Variants in CCDC88C observed in about 807,000 individuals in gnomAD.
The protein encoded by CCDC88C is coiled-coil and HOOK domain protein 88C.
In CCDC88C, 131 loss-of-function variants were observed where a neutral mutation model predicts 198.8. The observed-to-expected ratio is 0.66, with a 90% CI of 0.57 to 0.76. CCDC88C has a LOEUF of 0.76. CCDC88C is among the 30% of genes least tolerant of loss of function. The pLI is 0.00. For missense variants in CCDC88C, 2,553 were observed against 2,631.6 expected (o/e 0.97, Z 0.65); for synonymous variants, 1,166 against 1,114.7 (o/e 1.05, Z -0.92).
At chr14:91,345,506 C>A (rs965644324) in intron 4 of CCDC88C, among the ~76,000 whole-genome samples, 3 of 152,060 alleles carry the variant, frequency 2.0e-5, no homozygotes, top group Admixed American at 6.6e-5. Context: ...ATATTTCAAT[C>A]TAAACAATGT....
chr14:91,289,424 G>T (rs1022572221), intron 24 of CCDC88C, 81 bp from the exon 25 acceptor site: 15 of 1,234,590 alleles, frequency 1.2e-5, no homozygotes, highest in Non-Finnish European at 1.7e-5. Context: ...ACATGGGCTG[G>T]GATGTTCTTC....
intron 26 of CCDC88C, among the ~76,000 whole-genome samples, chr14:91,282,542 CTT>C (rs1200939271): frequency 2.0e-5 from 3 of 152,126 alleles, no homozygotes; most frequent in South Asian, 2.1e-4. Flanking sequence ...AATCATTTCT[CTT>C]GTCTCTGATT....
At chr14:91,360,911 G>A (rs955438273) in intron 3 of CCDC88C, among the ~76,000 whole-genome samples, 6 of 152,146 alleles carry the variant, frequency 3.9e-5, no homozygotes, top group Non-Finnish European at 5.9e-5. Context: ...AGCACTTTGA[G>A]AGGCTGAGGT....
chr14:91,290,600 T>C (rs779094523), intron 24 of CCDC88C, among the ~76,000 whole-genome samples: 6 of 152,322 alleles, frequency 3.9e-5, no homozygotes, highest in Non-Finnish European at 5.9e-5. Flanking sequence ...TTGAAGACCA[T>C]GGGGGCTGGG....
chr14:91,323,137 C>T (rs533383361), intron 12 of CCDC88C, among the ~76,000 whole-genome samples: 1 of 152,228 alleles, frequency 6.6e-6, no homozygotes, highest in Non-Finnish European at 1.5e-5. Flanking sequence ...AACTCCTGAC[C>T]TCAAGTGATC....
At chr14:91,326,977 G>C (rs1892608706) in intron 10 of CCDC88C, among the ~76,000 whole-genome samples, 1 of 152,220 alleles carries the variant, frequency 6.6e-6, no homozygotes, top group South Asian at 2.1e-4. Flanking sequence ...CACAGGCAGT[G>C]ATGTGCACAA....
At chr14:91,347,459 G>A (rs1471228806) in intron 4 of CCDC88C, among the ~76,000 whole-genome samples, 1 of 152,120 alleles carries the variant, frequency 6.6e-6, no homozygotes, top group Non-Finnish European at 1.5e-5. Context: ...TACACTCTGA[G>A]GCCGGGTGAA....
rs752282459 is a variant in CCDC88C at position 91,338,041 on chromosome 14, C to T, written c.1014G>A (p.Lys338=). 6.2e-7 allele frequency: 1 copy of T among 1,613,394 alleles called. No homozygotes were observed. Among genetic ancestry groups the T allele is most frequent in the African/African-American group, 1.3e-5 (1 of 75,068 alleles). The change falls in exon 10 of 30, where the codon AAG becomes AAA. Residue 338 remains lysine, a synonymous_variant. Transcript: ENST00000389857. This position sits in a 1 kb window ranked among gnomAD's most constrained non-coding sequence, Gnocchi z 4.8. Reference sequence around the variant, plus strand: ...CCTTGTAGAAGTCCACGTCGTGCAGCTTCTCCTTGCAGCGGGTCAGCTCCA... The same window carrying T: ...CCTTGTAGAAGTCCACGTCGTGCAGTTTCTCCTTGCAGCGGGTCAGCTCCA... The part of the protein sequence containing the change: ...LELELTRCKE[K]LHDVDFYKAR...
rs376850159 is a variant in CCDC88C at position 91,293,566 on chromosome 14, C to G, written c.4112+607G>C. ...CACCTTCCTGTCCCCTCGCCTGCCACGGCCCACCTTCCTGTCCCCTCGCCT... is the reference window on the plus strand; with the variant it reads ...CACCTTCCTGTCCCCTCGCCTGCCAGGGCCCACCTTCCTGTCCCCTCGCCT... On this transcript the variant is annotated intron_variant, in intron 23 of 29. Coordinates refer to ENST00000389857, the MANE Select transcript of CCDC88C (RefSeq NM_001080414.4). Among the ~76,000 whole-genome samples the G allele has an allele frequency of 2.3e-4, 24 of 104,818 alleles. 1 individual carries two copies. The highest frequency in any genetic ancestry group is 3.8e-4 in the Non-Finnish European group (19 of 49,592). The allele number at this position is 104,818 out of a possible 152,430, so 68.8% of individuals were successfully genotyped here. A position where few individuals can be genotyped will look rare whatever the true frequency, so the allele number is the denominator to read the frequency against.
intron 26 of CCDC88C, 92 bp downstream of exon 26, chr14:91,283,233 AGAGG>A (rs1316530328): frequency 7.9e-7 from 1 of 1,270,292 alleles, no homozygotes; most frequent in African/African-American, 1.5e-5. Context: ...TCTCAGACTG[AGAGG>A]GAGAGCAACC....
Position 91,321,244 on chromosome 14 carries a change from A to G in CCDC88C, c.1403T>C (p.Leu468Pro). ...NECASSRILK[L>P]EKENQSLQST... ...CTGGAGGCTCTGATTCTCCTTCTCC[A>G]GCTTCAGGATGCGGCTGGACGCACA... is the stretch of plus-strand genomic sequence containing the variant. The change falls in exon 13 of 30, where the codon CTG becomes CCG. Residue 468 changes from leucine to proline, a missense_variant. Around this residue, in one of 2 missense-constraint regions of CCDC88C, gnomAD observed 1,260 missense variants for 1,412.0 expected, o/e 0.89. Transcript: ENST00000389857. 2 of 1,597,640 alleles carry G rather than the reference A, an allele frequency of 1.3e-6. No individual in the cohort carries two copies. The highest frequency in any genetic ancestry group is 1.7e-6 in the Non-Finnish European group (2 of 1,171,658).
chr14:91,417,330 G>C, intron 1 of CCDC88C: 3 of 616,234 alleles, frequency 4.9e-6, no homozygotes, highest in Non-Finnish European at 8.7e-6. Flanking sequence ...ACTGGGACCC[G>C]GTCCGCCCCG....
chr14:91,359,043 G>A (rs1297732271), intron 4 of CCDC88C, among the ~76,000 whole-genome samples: 3 of 152,178 alleles, frequency 2.0e-5, no homozygotes, highest in East Asian at 3.9e-4. Context: ...CTGAGGAGGT[G>A]AGTCCACCAG....
chr14:91,340,746 T>C (rs1019279849), intron 6 of CCDC88C, among the ~76,000 whole-genome samples: 7 of 152,176 alleles, frequency 4.6e-5, no homozygotes, highest in African/African-American at 1.7e-4. Flanking sequence ...GTATCTACTC[T>C]GAAACACACC....
At chr14:91,405,804 G>C (rs1274913716) in intron 3 of CCDC88C, among the ~76,000 whole-genome samples, 1 of 152,212 alleles carries the variant, frequency 6.6e-6, no homozygotes, top group Admixed American at 6.5e-5. Flanking sequence ...ACACACAGCA[G>C]AACACCGTCC....
At position 91,308,339 on chromosome 14, in the gene CCDC88C, C is replaced by G. The variant is rs765488314; in HGVS notation, c.3006+12G>C. The G allele has an allele frequency of 5.5e-5, 88 of 1,613,808 alleles. No homozygotes were observed. The highest frequency in any genetic ancestry group is 7.3e-5 in the Non-Finnish European group (86 of 1,179,834). On this transcript the variant is annotated intron_variant, in intron 17 of 29. Coordinates refer to ENST00000389857, the MANE Select transcript of CCDC88C (RefSeq NM_001080414.4). ...GGGCAGCTGGGCCCCACAGTGCAACCTCCACACTCACCATCTGCAGCTCAC... is the reference window on the plus strand; with the variant it reads ...GGGCAGCTGGGCCCCACAGTGCAACGTCCACACTCACCATCTGCAGCTCAC...
Position 91,360,404 on chromosome 14 carries a change from C to G in CCDC88C, c.271-693G>C, listed in dbSNP as rs184983712. ...TCGAAGATACAGTGAGTTATCACACCACTGCACTCCAGCCTGGGGAACAGA... is the reference window on the plus strand; with the variant it reads ...TCGAAGATACAGTGAGTTATCACACGACTGCACTCCAGCCTGGGGAACAGA... On this transcript the variant is annotated intron_variant, in intron 3 of 29. Transcript: ENST00000389857. Among the ~76,000 whole-genome samples the G allele has an allele frequency of 3.3e-3, 507 of 152,142 alleles. 2 individuals are homozygous for G. The highest frequency in any genetic ancestry group is 4.9e-3 in the Non-Finnish European group (336 of 68,000).
intron 2 of CCDC88C, among the ~76,000 whole-genome samples, chr14:91,410,198 C>T (rs1046178909): frequency 4.6e-5 from 7 of 152,198 alleles, no homozygotes; most frequent in Non-Finnish European, 8.8e-5. Context: ...TTACTGAGTT[C>T]GCTTCCACCC....
intron 3 of CCDC88C, among the ~76,000 whole-genome samples, chr14:91,378,107 C>T (rs1884563442): frequency 6.6e-6 from 1 of 152,184 alleles, no homozygotes; most frequent in Non-Finnish European, 1.5e-5. Flanking sequence ...AAGACACACG[C>T]ACATGTGGAA....
Sources: gnomAD v4.1 joint callset for allele counts (sites outside exome capture counted in the v4.1 genomes callset) on GRCh38, gnomAD v4.1.1 for gene constraint, gnomAD v4.1.1 regional missense constraint, Gnocchi (gnomAD v3.1) non-coding constraint, MANE v1.5 for transcripts, NCBI Gene and HGNC (gene_info 2026-07-23, HGNC 2026-07-21) for gene names.